Variants in RBFOX3 observed in about 807,000 individuals in gnomAD.
The protein encoded by RBFOX3 is RNA binding fox-1 homolog 3.
A neutral mutation model predicts 48.7 loss-of-function variants in RBFOX3; 17 were observed. That is an observed-to-expected ratio of 0.35 (90% confidence interval 0.24 to 0.52). RBFOX3 has a LOEUF of 0.52. Ranked by LOEUF, RBFOX3 falls within the 20% of genes least tolerant of loss-of-function variation. RBFOX3 has a pLI of 0.94. For synonymous variants in RBFOX3, 212 were observed against 209.5 expected, an observed-to-expected ratio of 1.01 and a Z score of -0.10; for missense variants, 382 against 497.5, an observed-to-expected ratio of 0.77 and a Z score of 2.21.
At chr17:79,305,420 G>A (rs922867136) in intron 3 of RBFOX3, among the ~76,000 whole-genome samples, 3 of 152,176 alleles carry the variant, frequency 2.0e-5, no homozygotes, top group Non-Finnish European at 4.4e-5. Context: ...AAATCAAGAC[G>A]ACGCACAGCT....
intron 1 of RBFOX3, among the ~76,000 whole-genome samples, chr17:79,539,887 G>T (rs1174053160): frequency 6.6e-6 from 1 of 152,162 alleles, no homozygotes; most frequent in Non-Finnish European, 1.5e-5. Flanking sequence ...ACACGGTTTT[G>T]TTTGGGTTTT....
At chr17:79,470,565 C>T in intron 2 of RBFOX3, among the ~76,000 whole-genome samples, 1 of 152,214 alleles carries the variant, frequency 6.6e-6, no homozygotes, top group East Asian at 1.9e-4. Flanking sequence ...TCCCCAACAT[C>T]CTACCACGTG....
intron 2 of RBFOX3, among the ~76,000 whole-genome samples, chr17:79,376,245 G>A (rs1366929677): frequency 4.6e-5 from 7 of 152,290 alleles, no homozygotes; most frequent in South Asian, 2.1e-4. Context: ...GCCTGGAATC[G>A]ACTGGTTGGA....
chr17:79,500,463 G>A (rs1310239547), intron 1 of RBFOX3, among the ~76,000 whole-genome samples: 2 of 151,960 alleles, frequency 1.3e-5, no homozygotes, highest in Non-Finnish European at 2.9e-5. Context: ...CTCCATGTTG[G>A]CCAGGCTGGT....
chr17:79,433,793 TTAGC>T (rs2068905332), intron 2 of RBFOX3, among the ~76,000 whole-genome samples: 1 of 145,472 alleles, frequency 6.9e-6, no homozygotes, highest in African/African-American at 2.8e-5. Flanking sequence ...CCACACTGGA[TTAGC>T]CAATACTAAA....
intron 3 of RBFOX3, among the ~76,000 whole-genome samples, chr17:79,256,995 C>T (rs969322946): frequency 1.3e-5 from 2 of 151,946 alleles, no homozygotes; most frequent in South Asian, 2.1e-4. Flanking sequence ...AAGTTCGTGA[C>T]GCGGGTGGGA....
Position 79,097,698 on chromosome 17 carries a change from A to T in RBFOX3, c.616T>A (p.Tyr206Asn). The T allele has an allele frequency of 6.5e-7, 1 of 1,549,914 alleles. No homozygotes were observed. Among genetic ancestry groups the T allele is most frequent in the Non-Finnish European group, 8.7e-7 (1 of 1,146,416 alleles). The part of the protein sequence containing the change: ...VVGAVYGPEF[Y>N]AVTGFPYPTT... Reference sequence around the variant, plus strand: ...GCCCCGCCCCAGCTTTTACCTGCATAGAATTCAGGCCCGTAGACTGCGCCG... The same window carrying T: ...GCCCCGCCCCAGCTTTTACCTGCATTGAATTCAGGCCCGTAGACTGCGCCG... Residue 206 changes from tyrosine (Y) to asparagine (N), a missense_variant, in exon 10 of 15, where the codon TAT (tyrosine) becomes AAT (asparagine). Around this residue, in one of 3 missense-constraint regions of RBFOX3, gnomAD observed 215 missense variants for 254.8 expected, o/e 0.84. Transcript: ENST00000693108.
chr17:79,239,572 C>T (rs184009670), intron 3 of RBFOX3, among the ~76,000 whole-genome samples: 2 of 152,364 alleles, frequency 1.3e-5, no homozygotes, highest in Admixed American at 1.3e-4. Flanking sequence ...CCCACTGCCC[C>T]CAGGAGACGG....
At chr17:79,118,381 G>A (rs1263261758) in intron 4 of RBFOX3, among the ~76,000 whole-genome samples, 1 of 152,144 alleles carries the variant, frequency 6.6e-6, no homozygotes, top group Non-Finnish European at 1.5e-5. Context: ...AGGCCCCATC[G>A]TCCGTTGTTA....
intron 2 of RBFOX3, among the ~76,000 whole-genome samples, chr17:79,308,239 G>A (rs7225655): frequency 0.33 from 49,673 of 150,638 alleles, 9,840 homozygotes; most frequent in East Asian, 0.5. Context: ...TGAATCCTCA[G>A]CACCAGGCCC....
intron 1 of RBFOX3, among the ~76,000 whole-genome samples, chr17:79,545,072 G>A (rs1468445713): frequency 6.6e-6 from 1 of 152,020 alleles, no homozygotes; most frequent in East Asian, 1.9e-4. Context: ...TGAATCCTGG[G>A]GGGAAGGAGC....
intron 3 of RBFOX3, among the ~76,000 whole-genome samples, chr17:79,289,231 T>A (rs1291115844): frequency 6.6e-6 from 1 of 152,158 alleles, no homozygotes; most frequent in Admixed American, 6.5e-5. Flanking sequence ...GCGGGTTAGG[T>A]GTGGCAAGAG....
chr17:79,264,227 C>T (rs551935473), intron 3 of RBFOX3, among the ~76,000 whole-genome samples: 1 of 152,022 alleles, frequency 6.6e-6, no homozygotes, highest in East Asian at 1.9e-4. Flanking sequence ...AGGCACCTGC[C>T]ACCACACCTG....
In RBFOX3 at chr17:79,199,932, G is replaced by A. The variant is rs886298646; in HGVS notation, c.-34+35834C>T. On this transcript the variant is annotated intron_variant, in intron 4 of 14. Coordinates refer to ENST00000693108, the MANE Select transcript of RBFOX3 (RefSeq NM_001350451.2). This position sits in a 1 kb window ranked among gnomAD's most constrained non-coding sequence, Gnocchi z 5.1. ...TCCCAGCACTTTGGGAGGCCGAGGT[G>A]GGTGGATCACCTGAAGTCAGGAGTT... Among the ~76,000 whole-genome samples the A allele has an allele frequency of 6.6e-6, 1 of 152,094 alleles. No individual in the cohort carries two copies. Among genetic ancestry groups the A allele is most frequent in the Non-Finnish European group, 1.5e-5 (1 of 68,022 alleles).
intron 3 of RBFOX3, among the ~76,000 whole-genome samples, chr17:79,279,621 G>A (rs1353965998): frequency 6.6e-6 from 1 of 152,240 alleles, no homozygotes; most frequent in Admixed American, 6.5e-5. Context: ...AGCTAGCACT[G>A]CTAGCATTTG....
intron 3 of RBFOX3, among the ~76,000 whole-genome samples, chr17:79,274,772 C>T (rs893308672): frequency 6.6e-6 from 1 of 152,104 alleles, no homozygotes; most frequent in South Asian, 2.1e-4. Context: ...GCAGCTTCAG[C>T]GAAAGCCCAG....
chr17:79,323,770 G>A lies in RBFOX3; in HGVS notation c.-174-15946C>T, dbSNP rs11869060. On this transcript the variant is annotated intron_variant, in intron 2 of 14. Coordinates refer to ENST00000693108, the MANE Select transcript of RBFOX3 (RefSeq NM_001350451.2). ...GGCGAGAGAGGCATGTTCTGCCCGT[G>A]GCCGGTGGTGTGTGGAGCAATGCAC... is the stretch of plus-strand genomic sequence containing the variant. Among the ~76,000 whole-genome samples the A allele has an allele frequency of 5.9e-3, 905 of 152,376 alleles. 11 individuals carry two copies. The highest frequency in any genetic ancestry group is 0.02 in the East Asian group (102 of 5,186).
chr17:79,091,290 C>T (rs963447627), intron 14 of RBFOX3, among the ~76,000 whole-genome samples: 20 of 152,240 alleles, frequency 1.3e-4, no homozygotes, highest in African/African-American at 3.6e-4. Context: ...GGGGAACCCA[C>T]ACCCTCCAGC....
chr17:79,509,340 C>T (rs1045807629), intron 1 of RBFOX3, among the ~76,000 whole-genome samples: 1 of 152,010 alleles, frequency 6.6e-6, no homozygotes, highest in Non-Finnish European at 1.5e-5. Context: ...AAGAGAAGGG[C>T]CCTGGTCCTC....
Sources: allele counts gnomAD v4.1 joint callset (sites outside exome capture counted in the v4.1 genomes callset), GRCh38; gene constraint gnomAD v4.1.1; regional missense constraint gnomAD v4.1.1; non-coding constraint Gnocchi (gnomAD v3.1); transcripts MANE v1.5; gene names NCBI Gene and HGNC (gene_info 2026-07-23, HGNC 2026-07-21).